Variants in PCSK5 observed in about 807,000 individuals in gnomAD.
The protein encoded by PCSK5 is proprotein convertase subtilisin/kexin type 5, also known as prohormone convertase 5.
In PCSK5, 129 loss-of-function variants were observed where a neutral mutation model predicts 233.2. The ratio of observed to expected loss-of-function variants is 0.55; its 90% CI spans 0.48 to 0.64. PCSK5 has a LOEUF of 0.64. PCSK5 is among the 30% of genes least tolerant of loss of function. The pLI is 0.00. For missense variants in PCSK5, 2,076 were observed against 2,430.1 expected (o/e 0.85, Z 3.06); for synonymous variants, 825 against 879.2 (o/e 0.94, Z 1.09).
At chr9:76,028,040 T>G (rs7874700) in intron 5 of PCSK5, among the ~76,000 whole-genome samples, 3 of 151,994 alleles carry the variant, frequency 2.0e-5, no homozygotes, top group African/African-American at 7.2e-5. Flanking sequence ...ACCTATGTGG[T>G]TTTTCTTTAC....
intron 10 of PCSK5, among the ~76,000 whole-genome samples, chr9:76,143,176 T>C (rs1026311456): frequency 6.6e-6 from 1 of 152,092 alleles, no homozygotes; most frequent in African/African-American, 2.4e-5. Flanking sequence ...ATGCCTTCTT[T>C]TGTTTGTGTT....
chr9:76,332,387 T>A (rs751559293), intron 33 of PCSK5, 46 bp from the exon 34 acceptor site: 2 of 1,461,884 alleles, frequency 1.4e-6, no homozygotes, highest in Admixed American at 3.4e-5. Context: ...AGGGGAGACA[T>A]GTGTCATGCT....
intron 24 of PCSK5, among the ~76,000 whole-genome samples, chr9:76,273,963 GT>G (rs533900337): frequency 3.8e-4 from 54 of 142,162 alleles, no homozygotes; most frequent in Middle Eastern, 3.5e-3. Context: ...GGTGGGTTTT[GT>G]TTTTTTTTTT....
At chr9:76,120,228 A>G (rs1004786543) in intron 9 of PCSK5, among the ~76,000 whole-genome samples, 6 of 152,076 alleles carry the variant, frequency 3.9e-5, no homozygotes. Flanking sequence ...AAGTTGTTGC[A>G]TTTATGAGGA....
At chr9:76,297,976 C>T (rs1828495825) in intron 27 of PCSK5, among the ~76,000 whole-genome samples, 2 of 152,072 alleles carry the variant, frequency 1.3e-5, no homozygotes, top group Admixed American at 1.3e-4. Context: ...GAGACAGAGC[C>T]GAGAAGATTA....
intron 2 of PCSK5, among the ~76,000 whole-genome samples, chr9:75,948,726 G>A (rs983216482): frequency 2.2e-4 from 34 of 152,200 alleles, no homozygotes; most frequent in Admixed American, 1.9e-3. Context: ...GATCCTTGAG[G>A]AATTGCCACA....
At chr9:76,111,628 A>G (rs1018196838) in intron 9 of PCSK5, among the ~76,000 whole-genome samples, 3 of 152,170 alleles carry the variant, frequency 2.0e-5, no homozygotes, top group African/African-American at 7.2e-5. Flanking sequence ...CTAAATGAAT[A>G]GGGAACATGT....
intron 8 of PCSK5, 142 bp downstream of exon 8, chr9:76,096,244 A>T: frequency 3.2e-6 from 2 of 629,470 alleles, no homozygotes; most frequent in South Asian, 4.0e-5. Flanking sequence ...AGGAAATTAG[A>T]TTCGCTGATA....
intron 9 of PCSK5, among the ~76,000 whole-genome samples, chr9:76,111,603 T>G (rs892949033): frequency 1.3e-5 from 2 of 152,308 alleles, no homozygotes; most frequent in African/African-American, 4.8e-5. Context: ...TTTTGGTAAC[T>G]TTCTGGTGTT....
At chr9:76,282,136 T>G (rs1564154409) in intron 24 of PCSK5, among the ~76,000 whole-genome samples, 2 of 97,444 alleles carry the variant, frequency 2.1e-5, no homozygotes, top group South Asian at 4.3e-4. Context: ...TTTTTTTTTT[T>G]TTTTTTTTTT....
chr9:76,296,600 C>T, intron 26 of PCSK5, 65 bp from the exon 27 acceptor site: 1 of 1,066,566 alleles, frequency 9.4e-7, no homozygotes. Context: ...CCTCCAGCCT[C>T]TTTAGAACTT....
At chr9:76,275,024 C>T (rs533768999) in intron 24 of PCSK5, among the ~76,000 whole-genome samples, 61 of 152,258 alleles carry the variant, frequency 4.0e-4, no homozygotes, top group African/African-American at 1.5e-3. Context: ...AGGACAGCAC[C>T]ACCCCATGCA....
intron 24 of PCSK5, among the ~76,000 whole-genome samples, chr9:76,276,481 A>G (rs1827691091): frequency 6.6e-6 from 1 of 152,100 alleles, no homozygotes; most frequent in Admixed American, 6.6e-5. Context: ...TGTCCTGCCT[A>G]TGACCCTGGC....
chr9:76,007,342 G>A (rs2131443801), intron 3 of PCSK5, among the ~76,000 whole-genome samples: 1 of 152,192 alleles, frequency 6.6e-6, no homozygotes, highest in East Asian at 1.9e-4. Flanking sequence ...GCAATATTTT[G>A]ATTCTCTTTT....
intron 6 of PCSK5, among the ~76,000 whole-genome samples, chr9:76,071,258 TA>T (rs1256271529): frequency 1.3e-5 from 2 of 152,226 alleles, no homozygotes; most frequent in Admixed American, 6.5e-5. Context: ...ATCTTATGAT[TA>T]GGGGCTAATA....
At chr9:76,147,477 C>G (rs925566427) in intron 10 of PCSK5, among the ~76,000 whole-genome samples, 1 of 152,108 alleles carries the variant, frequency 6.6e-6, no homozygotes, top group South Asian at 2.1e-4. Context: ...CCCTAATAAC[C>G]TAAGTGTTCT....
At chr9:76,353,577 G>A (rs1415663912) in intron 36 of PCSK5, among the ~76,000 whole-genome samples, 1 of 152,242 alleles carries the variant, frequency 6.6e-6, no homozygotes, top group Non-Finnish European at 1.5e-5. Flanking sequence ...ATCGCCACGT[G>A]GGAGTGATGA....
chr9:76,141,102 C>T (rs895654170), intron 10 of PCSK5, among the ~76,000 whole-genome samples: 1 of 152,096 alleles, frequency 6.6e-6, no homozygotes, highest in African/African-American at 2.4e-5. Context: ...TATATGTCGT[C>T]AAGCTCTAAG....
chr9:75,938,107 C>T (rs1824141293), intron 2 of PCSK5, among the ~76,000 whole-genome samples: 1 of 152,168 alleles, frequency 6.6e-6, no homozygotes, highest in Non-Finnish European at 1.5e-5. Flanking sequence ...CTGTTTGGCT[C>T]AAGAGGCCTG....
Sources: gnomAD v4.1 joint callset for allele counts (sites outside exome capture counted in the v4.1 genomes callset) on GRCh38, gnomAD v4.1.1 for gene constraint, MANE v1.5 for transcripts, NCBI Gene and HGNC (gene_info 2026-07-23, HGNC 2026-07-21) for gene names.